The following RASGRP3 variants were observed in gnomAD, a reference collection of about 807,000 sequenced individuals.
The protein encoded by RASGRP3 is RAS guanyl releasing protein 3.
A neutral mutation model predicts 82.7 loss-of-function variants in RASGRP3; 54 were observed. That is an observed-to-expected ratio of 0.65 (90% CI 0.52 to 0.82). The LOEUF is 0.82. RASGRP3 is among the 40% of genes least tolerant of loss of function. The pLI is 0.00. For synonymous variants in RASGRP3, 309 were observed against 300.5 expected (o/e 1.03, Z -0.29); for missense variants, 861 against 828.9 (o/e 1.04, Z -0.48).
intron 2 of RASGRP3, among the ~76,000 whole-genome samples, chr2:33,469,604 T>A (rs1200521814): frequency 6.6e-6 from 1 of 151,910 alleles, no homozygotes; most frequent in East Asian, 1.9e-4. Context: ...AGACTACAGA[T>A]ATGGGCCACC....
intron 14 of RASGRP3, among the ~76,000 whole-genome samples, chr2:33,550,743 T>C (rs1675276903): frequency 6.6e-6 from 1 of 152,204 alleles, no homozygotes; most frequent in Admixed American, 6.5e-5. Flanking sequence ...TTGTTGCCGA[T>C]ATTATACGCT....
intron 2 of RASGRP3, among the ~76,000 whole-genome samples, chr2:33,464,459 G>A (rs942378354): frequency 7.2e-6 from 1 of 139,138 alleles, no homozygotes; most frequent in Non-Finnish European, 1.6e-5. Context: ...TTGGTGATCT[G>A]TGATCAGTGA....
At chr2:33,500,440 C>A (rs779434797) in intron 1 of RASGRP3, among the ~76,000 whole-genome samples, 8 of 151,964 alleles carry the variant, frequency 5.3e-5, no homozygotes, top group Admixed American at 2.6e-4. Flanking sequence ...ACAGCTTGAA[C>A]CCAGGAGAGG....
intron 15 of RASGRP3, among the ~76,000 whole-genome samples, chr2:33,556,264 G>A (rs1206408743): frequency 4.6e-5 from 2 of 43,330 alleles, no homozygotes; most frequent in Non-Finnish European, 6.9e-5. Context: ...TTTTTGAGAC[G>A]GAGTCTCGCT....
In RASGRP3 at chr2:33,542,654, CT is replaced by C. The variant is rs765965602; in HGVS notation, c.1279-855del. Among the ~76,000 whole-genome samples, 25 of 146,152 alleles carry C rather than the reference CT, an allele frequency of 1.7e-4. 1 individual carries two copies. The highest frequency in any genetic ancestry group is 2.8e-4 in the Admixed American group (4 of 14,194). ...GGAAACCTTTCTTAATCCACCTCCT[CT>C]TTCCCCCCCCCACCAATATCACTCT... On this transcript the variant is annotated intron_variant, in intron 12 of 17. Coordinates refer to ENST00000403687, the MANE Select transcript of RASGRP3 (RefSeq NM_001139488.2).
Position 33,558,850 on chromosome 2 carries a change from G to C in RASGRP3, c.1884G>C (p.Ser628=), listed in dbSNP as rs564904058. The change falls in exon 17 of 18, where the codon TCG becomes TCC. Residue 628 remains serine, a synonymous_variant. Coordinates refer to ENST00000403687, the MANE Select transcript of RASGRP3 (RefSeq NM_001139488.2). ...GGTCAGAGGCTGGCTGGGGGGACTC[G>C]GGGTCCCACACCTTCCCTAAAATGA... ...PVWSEAGWGD[S]GSHTFPKMKS... is the part of the protein sequence containing the mutation. 2.4e-5 allele frequency: 39 copies of C among 1,613,834 alleles called. No homozygotes were observed. The highest frequency in any genetic ancestry group is 1.6e-4 in the Middle Eastern group (1 of 6,084).
chr2:33,472,813 G>A (rs946549708), upstream of RASGRP3, among the ~76,000 whole-genome samples: 7 of 149,410 alleles, frequency 4.7e-5, no homozygotes, highest in African/African-American at 1.7e-4. Context: ...AAATTGCCGG[G>A]CGCGGTGGGT....
intron 17 of RASGRP3, 101 bp from the exon 18 acceptor site, chr2:33,562,628 C>A: frequency 7.6e-7 from 1 of 1,312,754 alleles, no homozygotes; most frequent in Non-Finnish European, 1.1e-6. Flanking sequence ...CTGATCATTT[C>A]AGATGTTCCC....
chr2:33,485,791 C>T (rs974304699), intron 1 of RASGRP3, among the ~76,000 whole-genome samples: 1 of 152,156 alleles, frequency 6.6e-6, no homozygotes, highest in South Asian at 2.1e-4. Flanking sequence ...TTCAACCTCT[C>T]TTTGGAATTT....
In RASGRP3 at chr2:33,487,649, C is replaced by T. The variant is rs1668512897; in HGVS notation, c.-261+10942C>T. On this transcript the variant is annotated intron_variant, in intron 1 of 17. Transcript: ENST00000403687. ...CTCAAACAAAAGTTTGAGATTTCCA[C>T]CTGTAGTCCTAGCTACTTGGAAGGC... 3.9e-5 allele frequency among the ~76,000 whole-genome samples: 6 copies of T among 152,304 alleles called. 1 individual carries two copies. Among genetic ancestry groups the T allele is most frequent in the Middle Eastern group, 3.4e-3 (1 of 294 alleles).
chr2:33,562,855 T>G lies in RASGRP3; in HGVS notation c.*118T>G. ...TCTGGAAAGATACCTGGATGTTTACTGCCTTGGGACACTGTGGGATCTCCA... is the reference window on the plus strand; with the variant it reads ...TCTGGAAAGATACCTGGATGTTTACGGCCTTGGGACACTGTGGGATCTCCA... On this transcript the variant is annotated 3_prime_UTR_variant, in exon 18 of 18. Coordinates refer to ENST00000403687, the MANE Select transcript of RASGRP3 (RefSeq NM_001139488.2). 1 of 1,350,098 alleles carries G rather than the reference T, an allele frequency of 7.4e-7. No homozygotes were observed. Among genetic ancestry groups the G allele is most frequent in the Non-Finnish European group, 1.0e-6 (1 of 958,532 alleles). 83.6% of individuals were successfully genotyped at this position (1,350,098 alleles called of 1,614,324 possible). A position where few individuals can be genotyped will look rare whatever the true frequency, so the allele number is the denominator to read the frequency against.
chr2:33,528,786 G>C (rs768661202), intron 10 of RASGRP3, among the ~76,000 whole-genome samples: 2 of 152,172 alleles, frequency 1.3e-5, no homozygotes. Flanking sequence ...CAGAAACACA[G>C]ATCTCTTAAA....
At chr2:33,531,395 G>A (rs1441459083) in intron 10 of RASGRP3, among the ~76,000 whole-genome samples, 2 of 152,222 alleles carry the variant, frequency 1.3e-5, no homozygotes, top group East Asian at 1.9e-4. Flanking sequence ...AAAGCCCAGA[G>A]GAGATCTGAG....
At chr2:33,506,819 A>G (rs1670421647) in intron 1 of RASGRP3, among the ~76,000 whole-genome samples, 1 of 152,192 alleles carries the variant, frequency 6.6e-6, no homozygotes, top group Non-Finnish European at 1.5e-5. Context: ...GGGGGATTTT[A>G]GTCTTCGTGT....
At chr2:33,507,845 G>A (rs946073657) in intron 1 of RASGRP3, among the ~76,000 whole-genome samples, 2 of 152,168 alleles carry the variant, frequency 1.3e-5, no homozygotes, top group Non-Finnish European at 2.9e-5. Context: ...ATTTTTAAAA[G>A]ATTCTTTCAG....
intron 1 of RASGRP3, among the ~76,000 whole-genome samples, chr2:33,489,991 T>G (rs1668713339): frequency 1.3e-5 from 2 of 152,230 alleles, no homozygotes; most frequent in Non-Finnish European, 2.9e-5. Flanking sequence ...AGCAGGCTGA[T>G]TTGATACACT....
chr2:33,526,013 T>C (rs1270970476), intron 9 of RASGRP3, among the ~76,000 whole-genome samples: 2 of 152,320 alleles, frequency 1.3e-5, no homozygotes, highest in East Asian at 3.9e-4. Context: ...ACCGAAAAAT[T>C]ACGTTCCCTT....
chr2:33,440,973 G>A (rs942598170), intron 1 of RASGRP3, among the ~76,000 whole-genome samples: 6 of 152,038 alleles, frequency 3.9e-5, no homozygotes, highest in African/African-American at 1.5e-4. Flanking sequence ...GCTTGCTGCA[G>A]CCTCCACCTC....
intron 1 of RASGRP3, among the ~76,000 whole-genome samples, chr2:33,497,827 T>C (rs749162635): frequency 6.6e-6 from 1 of 152,204 alleles, no homozygotes; most frequent in Non-Finnish European, 1.5e-5. Context: ...AGTTTTAATC[T>C]ACCAAAATAA....
Sources: allele counts gnomAD v4.1 joint callset (sites outside exome capture counted in the v4.1 genomes callset), GRCh38; gene constraint gnomAD v4.1.1; transcripts MANE v1.5; gene names NCBI Gene and HGNC (gene_info 2026-07-23, HGNC 2026-07-21).